The following ATP11A variants were observed in gnomAD, a reference collection of about 807,000 sequenced individuals.
The protein encoded by ATP11A is phospholipid-transporting ATPase IH.
In ATP11A, 81 loss-of-function variants were observed where a neutral mutation model predicts 154.4. That is an observed-to-expected ratio of 0.52 (90% CI 0.44 to 0.63). The LOEUF is 0.63. Ranked by LOEUF, ATP11A falls within the 30% of genes least tolerant of loss-of-function variation. The pLI, the probability that ATP11A is intolerant of heterozygous loss-of-function variation, is 0.00. For missense variants in ATP11A, 1,316 were observed against 1,474.3 expected (o/e 0.89, Z 1.76); for synonymous variants, 623 against 585.9 (o/e 1.06, Z -0.91).
chr13:112,789,050 A>G lies in ATP11A; in HGVS notation c.162+3793A>G, dbSNP rs144423425. ...ACCCCTGTGTAGACCTACTTCATTT[A>G]CACCAGGTGTCCTGATGTGTAGACC... On this transcript the variant is annotated intron_variant, in intron 2 of 29. Transcript: ENST00000375645. Among the ~76,000 whole-genome samples, 142 of 150,946 alleles carry G rather than the reference A, an allele frequency of 9.4e-4. 1 individual carries two copies. Among genetic ancestry groups the G allele is most frequent in the Admixed American group, 1.8e-3 (28 of 15,244 alleles).
chr13:112,793,619 G>C (rs1003813351), intron 2 of ATP11A, among the ~76,000 whole-genome samples: 9 of 152,228 alleles, frequency 5.9e-5, no homozygotes, highest in African/African-American at 1.4e-4. Context: ...ATAAACAAAA[G>C]AGTGACCTCA....
intron 1 of ATP11A, among the ~76,000 whole-genome samples, chr13:112,701,294 A>T (rs538898783): frequency 6.6e-6 from 1 of 152,352 alleles, no homozygotes; most frequent in African/African-American, 2.4e-5. Flanking sequence ...AGTTAGGCTC[A>T]GGCACAGCTA....
At chr13:112,718,997 G>A (rs993704813) in intron 1 of ATP11A, among the ~76,000 whole-genome samples, 50 of 152,196 alleles carry the variant, frequency 3.3e-4, no homozygotes, top group African/African-American at 1.1e-3. Flanking sequence ...GAAATAGGAC[G>A]TAGGGATTGA....
At position 112,772,551 on chromosome 13, in the gene ATP11A, C is replaced by T. The variant is rs117606266; in HGVS notation, c.40-12584C>T. 1.2e-3 allele frequency among the ~76,000 whole-genome samples: 91 copies of T among 78,802 alleles called. No individual in the cohort carries two copies. In the East Asian group the frequency reaches 0.03, roughly 26 times the overall value. 51.7% of individuals were successfully genotyped at this position (78,802 alleles called of 152,430 possible). A position where few individuals can be genotyped will look rare whatever the true frequency, so the allele number is the denominator to read the frequency against. ...CATCACCCTCAAATGAAACCCCATG[C>T]CCAGTACCAGGCCCTCCCAAGTGCT... On this transcript the variant is annotated intron_variant, in intron 1 of 29. Transcript: ENST00000375645.
chr13:112,817,678 G>T (rs931787006), intron 6 of ATP11A, among the ~76,000 whole-genome samples: 1 of 152,210 alleles, frequency 6.6e-6, no homozygotes. Context: ...GTGAACAGAT[G>T]CTGTGGGTCT....
chr13:112,862,346 A>G, intron 24 of ATP11A, 94 bp from the exon 25 acceptor site: 1 of 1,484,652 alleles, frequency 6.7e-7, no homozygotes, highest in Non-Finnish European at 9.1e-7. Context: ...TTATCCCATG[A>G]AGACAACGTC....
Position 112,693,805 on chromosome 13 carries a change from A to T in ATP11A, c.39+3350A>T, listed in dbSNP as rs1453098174. Among the ~76,000 whole-genome samples, 10 of 152,092 alleles carry T rather than the reference A, an allele frequency of 6.6e-5. No homozygotes were observed. In the East Asian group the frequency reaches 1.9e-3, roughly 29 times the overall value. ...TGTCTCTACTAAAAATACAAAAATT[A>T]GCCGGGCATGGTGGCGGGTGCCTGT... On this transcript the variant is annotated intron_variant, in intron 1 of 29. Coordinates refer to ENST00000375645, the MANE Select transcript of ATP11A (RefSeq NM_015205.3).
chr13:112,724,459 G>C (rs1334926682), intron 1 of ATP11A, among the ~76,000 whole-genome samples: 1 of 150,860 alleles, frequency 6.6e-6, no homozygotes, highest in African/African-American at 2.5e-5. Context: ...TGGGTCCACT[G>C]GGAGCCCCCT....
intron 29 of ATP11A, among the ~76,000 whole-genome samples, chr13:112,879,111 C>T (rs1237157936): frequency 1.3e-5 from 2 of 152,340 alleles, no homozygotes; most frequent in East Asian, 1.9e-4. Flanking sequence ...GTCTTTTAGC[C>T]GTGTGCTCCT....
chr13:112,833,414 A>G (rs2079150258), intron 14 of ATP11A, among the ~76,000 whole-genome samples: 2 of 152,218 alleles, frequency 1.3e-5, no homozygotes, highest in African/African-American at 4.8e-5. Context: ...CCAGAGCCAC[A>G]GCCTGGGCCG....
At chr13:112,828,810 AG>A (rs567291130) in intron 12 of ATP11A, among the ~76,000 whole-genome samples, 92 of 152,358 alleles carry the variant, frequency 6.0e-4, no homozygotes, top group African/African-American at 2.2e-3. Flanking sequence ...CGGGTGGACA[AG>A]CCCAAAAGGC....
chr13:112,863,120 G>A (rs1350101070), intron 25 of ATP11A, among the ~76,000 whole-genome samples: 1,557 of 114,506 alleles, frequency 0.014, 436 homozygotes, highest in Admixed American at 0.022. Context: ...GTTTCCCAGC[G>A]GGGTCCATCA....
chr13:112,805,170 A>T, intron 3 of ATP11A, 124 bp downstream of exon 3: 7 of 638,054 alleles, frequency 1.1e-5, no homozygotes, highest in Admixed American at 3.7e-5. Flanking sequence ...CCTATGATTA[A>T]TTTATTTATT....
chr13:112,881,722 G>A (rs967944758), intron 29 of ATP11A, 154 bp from the exon 30 acceptor site: 34 of 1,306,494 alleles, frequency 2.6e-5, no homozygotes, highest in Non-Finnish European at 3.2e-5. Context: ...TGCAGGAGGC[G>A]ATGGTAGTGA....
chr13:112,819,477 C>A, intron 7 of ATP11A, 70 bp downstream of exon 7: 1 of 1,314,198 alleles, frequency 7.6e-7, no homozygotes, highest in Non-Finnish European at 1.1e-6. Flanking sequence ...CTTTTTCACC[C>A]CAAGTAGTCC....
At chr13:112,738,470 T>G (rs1232785708) in intron 1 of ATP11A, among the ~76,000 whole-genome samples, 1 of 152,246 alleles carries the variant, frequency 6.6e-6, no homozygotes. Context: ...AACCTGAGAT[T>G]ATTGCCATAA....
chr13:112,881,405 G>T, intron 29 of ATP11A: 1 of 1,038,074 alleles, frequency 9.6e-7, no homozygotes, highest in Non-Finnish European at 1.2e-6. Context: ...CCTTCCCTGG[G>T]GCAGTGAGTT....
chr13:112,766,026 G>A (rs1038005132), intron 1 of ATP11A, among the ~76,000 whole-genome samples: 1 of 152,174 alleles, frequency 6.6e-6, no homozygotes, highest in Non-Finnish European at 1.5e-5. Context: ...GGTCGGGGGC[G>A]GATCCCCCTG....
chr13:112,870,982 C>G (rs2080501211), intron 25 of ATP11A, among the ~76,000 whole-genome samples: 1 of 152,238 alleles, frequency 6.6e-6, no homozygotes, highest in Non-Finnish European at 1.5e-5. Context: ...CTGACCTTCC[C>G]TCCTCCACGG....
Sources: gnomAD v4.1 joint callset for allele counts (sites outside exome capture counted in the v4.1 genomes callset) on GRCh38, gnomAD v4.1.1 for gene constraint, MANE v1.5 for transcripts, NCBI Gene and HGNC (gene_info 2026-07-23, HGNC 2026-07-21) for gene names.